Variants in ZFYVE9 observed in about 807,000 individuals in gnomAD.
The protein encoded by ZFYVE9 is zinc finger FYVE domain-containing protein 9.
In ZFYVE9, 43 loss-of-function variants were observed where a neutral mutation model predicts 126.7. The observed-to-expected ratio is 0.34, with a 90% CI of 0.27 to 0.44. ZFYVE9 has a LOEUF of 0.44. ZFYVE9 is among the 20% of genes least tolerant of loss of function. The pLI is 1.00. For missense variants in ZFYVE9, 1,476 were observed against 1,697.0 expected (o/e 0.87, Z 2.29); for synonymous variants, 521 against 597.4 (o/e 0.87, Z 1.87).
In ZFYVE9 at chr1:52,239,299, G is replaced by C. The variant is rs1374970742; in HGVS notation, c.1882G>C (p.Ala628Pro). 1 of 1,614,160 alleles carries C rather than the reference G, an allele frequency of 6.2e-7. No homozygotes were observed. The highest frequency in any genetic ancestry group is 1.3e-5 in the African/African-American group (1 of 75,056). Residue 628 changes from alanine (A) to proline (P), a missense_variant, in exon 4 of 19, where the codon GCA becomes CCA. This residue lies in a region of ZFYVE9 where 807 missense variants were observed against 794.6 expected (regional missense o/e 1.02). Transcript: ENST00000287727. ...LGKAKLGENS[A>P]TNVCSPSLGN... ...GAAAGCAAAATTAGGGGAAAACTCAGCAACCAATGTATGCAGTCCATCTTT... is the reference window on the plus strand; with the variant it reads ...GAAAGCAAAATTAGGGGAAAACTCACCAACCAATGTATGCAGTCCATCTTT...
At chr1:52,282,250 TG>T (rs1324029091) in intron 10 of ZFYVE9, among the ~76,000 whole-genome samples, 1 of 151,426 alleles carries the variant, frequency 6.6e-6, no homozygotes, top group Non-Finnish European at 1.5e-5. Context: ...AAATATTAAC[TG>T]TAACAACTTA....
chr1:52,212,474 G>C (rs886133171), intron 1 of ZFYVE9, among the ~76,000 whole-genome samples: 1 of 152,088 alleles, frequency 6.6e-6, no homozygotes, highest in African/African-American at 2.4e-5. Context: ...AGCTATTTCA[G>C]TTAAGATTAT....
intron 2 of ZFYVE9, among the ~76,000 whole-genome samples, chr1:52,226,743 T>C (rs1645174148): frequency 6.6e-6 from 1 of 152,108 alleles, no homozygotes; most frequent in African/African-American, 2.4e-5. Flanking sequence ...AAGATGAACA[T>C]TGGTTCTGTC....
intron 3 of ZFYVE9, among the ~76,000 whole-genome samples, chr1:52,235,455 G>A (rs1470481191): frequency 1.3e-5 from 2 of 152,008 alleles, no homozygotes; most frequent in African/African-American, 4.8e-5. Context: ...TTGTTTCCAG[G>A]AACCATATTG....
chr1:52,176,938 C>G (rs907381538), intron 1 of ZFYVE9, among the ~76,000 whole-genome samples: 17 of 152,250 alleles, frequency 1.1e-4, no homozygotes, highest in Admixed American at 2.6e-4. Context: ...TGACTCCTTG[C>G]GCTTCCCGAG....
intron 1 of ZFYVE9, among the ~76,000 whole-genome samples, chr1:52,189,561 T>C (rs1557447001): frequency 6.6e-6 from 1 of 151,974 alleles, no homozygotes; most frequent in Non-Finnish European, 1.5e-5. Context: ...TTAGTAGAGA[T>C]GGGGTTTTGC....
At chr1:52,158,343 A>G (rs2124506839) in intron 1 of ZFYVE9, among the ~76,000 whole-genome samples, 1 of 152,308 alleles carries the variant, frequency 6.6e-6, no homozygotes, top group Non-Finnish European at 1.5e-5. Flanking sequence ...GGTTAGCACT[A>G]GCTATTATCA....
At chr1:52,257,968 C>T (rs896921836) in intron 4 of ZFYVE9, among the ~76,000 whole-genome samples, 3 of 152,202 alleles carry the variant, frequency 2.0e-5, no homozygotes, top group African/African-American at 7.2e-5. Context: ...CTCAGGTGAT[C>T]CACCTGCCTT....
chr1:52,255,526 G>A (rs1487403012), intron 4 of ZFYVE9, among the ~76,000 whole-genome samples: 8 of 151,408 alleles, frequency 5.3e-5, no homozygotes, highest in African/African-American at 1.2e-4. Context: ...CGGCGGTTGC[G>A]GTGAGCCGAG....
intron 1 of ZFYVE9, among the ~76,000 whole-genome samples, chr1:52,162,012 A>T (rs1345932347): frequency 6.6e-6 from 1 of 152,016 alleles, no homozygotes; most frequent in African/African-American, 2.4e-5. Flanking sequence ...AAATGACAAC[A>T]ATTACATCTT....
At position 52,304,682 on chromosome 1, in the gene ZFYVE9, G is replaced by A. The variant is rs533950648; in HGVS notation, c.3438+757G>A. ...GCGTTGAATAAACATTATGTACTTG[G>A]TATGCACGTAGAATCACACAGATGT... On this transcript the variant is annotated intron_variant, in intron 13 of 18. Transcript: ENST00000287727. 2.0e-5 allele frequency among the ~76,000 whole-genome samples: 3 copies of A among 151,684 alleles called. No homozygotes were observed. The East Asian group carries it at 5.8e-4, about 29-fold the overall frequency.
chr1:52,318,352 TAGAG>T (rs1220751165), intron 13 of ZFYVE9, among the ~76,000 whole-genome samples: 4 of 143,476 alleles, frequency 2.8e-5, no homozygotes, highest in African/African-American at 7.8e-5. Context: ...CATTCAAGAT[TAGAG>T]AGAGCATGAT....
chr1:52,253,112 C>T (rs1479203186), intron 4 of ZFYVE9, among the ~76,000 whole-genome samples: 1 of 152,122 alleles, frequency 6.6e-6, no homozygotes, highest in African/African-American at 2.4e-5. Flanking sequence ...TGTGCTCACA[C>T]CACTGCACTC....
intron 1 of ZFYVE9, among the ~76,000 whole-genome samples, chr1:52,213,710 T>C (rs980989895): frequency 7.2e-5 from 11 of 152,204 alleles, no homozygotes; most frequent in African/African-American, 2.4e-4. Context: ...TCTTTCTTTC[T>C]TGAAACCCTC....
intron 10 of ZFYVE9, among the ~76,000 whole-genome samples, chr1:52,285,210 A>G (rs1003912892): frequency 6.6e-6 from 1 of 152,192 alleles, no homozygotes; most frequent in African/African-American, 2.4e-5. Flanking sequence ...AAACACAGAT[A>G]TATTATCTAT....
chr1:52,223,859 C>T (rs745445798), intron 2 of ZFYVE9, among the ~76,000 whole-genome samples: 10 of 152,098 alleles, frequency 6.6e-5, no homozygotes, highest in South Asian at 4.1e-4. Flanking sequence ...AGGGTGTTTG[C>T]GCTCCCAGAC....
intron 16 of ZFYVE9, among the ~76,000 whole-genome samples, chr1:52,339,226 T>C (rs1023529333): frequency 1.3e-5 from 2 of 152,202 alleles, no homozygotes; most frequent in Non-Finnish European, 2.9e-5. Flanking sequence ...GAAGGTGTTA[T>C]GACAGATACA....
intron 13 of ZFYVE9, among the ~76,000 whole-genome samples, chr1:52,309,197 G>A (rs2147848190): frequency 6.6e-6 from 1 of 152,198 alleles, no homozygotes; most frequent in East Asian, 1.9e-4. Flanking sequence ...GAGAAGGGCA[G>A]ACGGCATGGT....
chr1:52,247,118 C>T (rs1156295801), intron 4 of ZFYVE9, among the ~76,000 whole-genome samples: 2 of 152,172 alleles, frequency 1.3e-5, no homozygotes, highest in African/African-American at 4.8e-5. Context: ...GTGTGAGCCA[C>T]TGCTCCTGGC....
Sources: gnomAD v4.1 joint callset for allele counts (sites outside exome capture counted in the v4.1 genomes callset) on GRCh38, gnomAD v4.1.1 for gene constraint, gnomAD v4.1.1 regional missense constraint, MANE v1.5 for transcripts, NCBI Gene and HGNC (gene_info 2026-07-23, HGNC 2026-07-21) for gene names.